The following RIMS2 variants were observed in gnomAD, a reference collection of about 807,000 sequenced individuals.
RIMS2 encodes the protein regulating synaptic membrane exocytosis 2.
A neutral mutation model predicts 174.4 loss-of-function variants in RIMS2; 59 were observed. The ratio of observed to expected loss-of-function variants is 0.34; its 90% CI spans 0.27 to 0.42. The LOEUF is 0.42. RIMS2 is among the 10% of genes least tolerant of loss of function. The pLI, the probability that RIMS2 is intolerant of heterozygous loss-of-function variation, is 1.00. For missense variants in RIMS2, 1,620 were observed against 1,666.3 expected, an observed-to-expected ratio of 0.97 and a Z score of 0.48; for synonymous variants, 606 against 572.5, an observed-to-expected ratio of 1.06 and a Z score of -0.84.
chr8:103,995,167 T>C (rs1446852631), intron 17 of RIMS2, among the ~76,000 whole-genome samples: 1 of 152,122 alleles, frequency 6.6e-6, no homozygotes, highest in African/African-American at 2.4e-5. Flanking sequence ...ACTGCTCTTT[T>C]TTGAGAGAAG....
At chr8:103,556,683 A>G (rs1484528159) in intron 1 of RIMS2, among the ~76,000 whole-genome samples, 1 of 152,130 alleles carries the variant, frequency 6.6e-6, no homozygotes, top group Non-Finnish European at 1.5e-5. Context: ...TTTGTAAGCT[A>G]TTATATTTTC....
intron 17 of RIMS2, among the ~76,000 whole-genome samples, chr8:104,012,278 A>T (rs915609350): frequency 1.3e-5 from 2 of 151,922 alleles, no homozygotes; most frequent in East Asian, 3.8e-4. Context: ...TTCTAAAGTC[A>T]CCTAATCTAA....
At chr8:103,756,151 T>C (rs2097999545) in intron 2 of RIMS2, among the ~76,000 whole-genome samples, 1 of 152,168 alleles carries the variant, frequency 6.6e-6, no homozygotes, top group South Asian at 2.1e-4. Context: ...GGTACTCCTT[T>C]CTGTTTGTTA....
At chr8:103,578,101 T>G (rs1333502630) in intron 1 of RIMS2, among the ~76,000 whole-genome samples, 2 of 152,056 alleles carry the variant, frequency 1.3e-5, no homozygotes, top group Non-Finnish European at 2.9e-5. Context: ...GGAAAAGAAA[T>G]AAATATCCAG....
chr8:103,933,121 T>C (rs1423711222), intron 12 of RIMS2, among the ~76,000 whole-genome samples: 4 of 151,932 alleles, frequency 2.6e-5, no homozygotes, highest in Admixed American at 2.6e-4. Context: ...TGAAACCCCG[T>C]CTCTACTAAA....
At position 103,519,840 on chromosome 8, in the gene RIMS2, A is replaced by T. The variant is rs1187644393; in HGVS notation, c.176+18778A>T. ...TAACAATATAATATTTTCAGGAAAA[A>T]TTTTCCTCTTAGAAACCCTGTATTC... On this transcript the variant is annotated intron_variant, in intron 1 of 23. Coordinates refer to ENST00000504942, the Ensembl canonical transcript of RIMS2. Among the ~76,000 whole-genome samples the T allele has an allele frequency of 6.0e-5, 9 of 151,008 alleles. No homozygotes were observed. The East Asian group carries it at 1.7e-3, about 29-fold the overall frequency.
In RIMS2 at chr8:103,757,594, T is replaced by C. The variant is rs148804737; in HGVS notation, c.388-8633T>C. ...GGCAGAAAAATGGCCCCTCTAAAGATAACCATGTCTTAATTCCTGAAACCT... is the reference window on the plus strand; with the variant it reads ...GGCAGAAAAATGGCCCCTCTAAAGACAACCATGTCTTAATTCCTGAAACCT... On this transcript the variant is annotated intron_variant, in intron 2 of 23. Transcript: ENST00000504942. Among the ~76,000 whole-genome samples, 463 of 152,324 alleles carry C rather than the reference T, an allele frequency of 3.0e-3. 2 individuals carry two copies. The highest frequency in any genetic ancestry group is 4.4e-3 in the Non-Finnish European group (300 of 68,020).
At chr8:103,563,235 G>A (rs1270470503) in intron 1 of RIMS2, among the ~76,000 whole-genome samples, 1 of 152,132 alleles carries the variant, frequency 6.6e-6, no homozygotes, top group African/African-American at 2.4e-5. Flanking sequence ...CACATTATCA[G>A]GCTGCAAATT....
chr8:104,223,735 C>A (rs1404472228), intron 19 of RIMS2: 2 of 1,594,092 alleles, frequency 1.3e-6, no homozygotes, highest in African/African-American at 2.7e-5. Flanking sequence ...TGTCTGCCTC[C>A]TTCGAGGCAC....
chr8:103,579,920 G>A (rs974608532), intron 1 of RIMS2, among the ~76,000 whole-genome samples: 14 of 152,094 alleles, frequency 9.2e-5, no homozygotes, highest in Admixed American at 5.2e-4. Context: ...GAGTGAAGAC[G>A]GAGATGCTGC....
At chr8:104,195,580 T>C (rs990790508) in intron 19 of RIMS2, among the ~76,000 whole-genome samples, 1 of 150,290 alleles carries the variant, frequency 6.7e-6, no homozygotes, top group Admixed American at 6.7e-5. Context: ...AATGGCACGA[T>C]CTCGACTCAC....
At chr8:103,834,689 T>C (rs1304466561) in intron 3 of RIMS2, among the ~76,000 whole-genome samples, 5 of 56,132 alleles carry the variant, frequency 8.9e-5, no homozygotes, top group African/African-American at 4.2e-4. Flanking sequence ...TCTTTCTTTC[T>C]TTCTTTCTTT....
intron 19 of RIMS2, among the ~76,000 whole-genome samples, chr8:104,061,700 A>G (rs533031913): frequency 2.0e-5 from 3 of 151,120 alleles, no homozygotes; most frequent in Admixed American, 1.3e-4. Context: ...CTGTTTTATA[A>G]TTACTAATTG....
At chr8:103,727,435 T>C (rs2097539248) in intron 2 of RIMS2, among the ~76,000 whole-genome samples, 2 of 152,218 alleles carry the variant, frequency 1.3e-5, no homozygotes, top group Admixed American at 1.3e-4. Flanking sequence ...ACTTTGTTTA[T>C]TCTTTCCTTT....
At chr8:103,737,781 C>A (rs2097706184) in intron 2 of RIMS2, among the ~76,000 whole-genome samples, 4 of 152,140 alleles carry the variant, frequency 2.6e-5, no homozygotes, top group Admixed American at 2.6e-4. Flanking sequence ...ATGCACTTCA[C>A]CAGATTTTTA....
chr8:103,591,911 G>T (rs10086977), intron 1 of RIMS2, among the ~76,000 whole-genome samples: 1,769 of 151,210 alleles, frequency 0.012, 33 homozygotes, highest in African/African-American at 0.039. Context: ...AGTTAAGAAA[G>T]AATCAGCTAG....
chr8:103,863,904 T>TTTTG (rs1168686408), intron 3 of RIMS2, among the ~76,000 whole-genome samples: 49 of 121,008 alleles, frequency 4.0e-4, no homozygotes, highest in African/African-American at 1.7e-3. Context: ...TTTTTGTTTT[T>TTTTG]TTTGTTTGTT....
intron 11 of RIMS2, chr8:103,927,982 T>G (rs17817023): frequency 0.16 from 151,137 of 947,464 alleles, 14,287 homozygotes; most frequent in Non-Finnish European, 0.19. Flanking sequence ...ACTTTTTTTG[T>G]TATGTTGCTC....
chr8:103,624,120 TCAACTTGA>T (rs1291008839), intron 1 of RIMS2, among the ~76,000 whole-genome samples: 5 of 152,154 alleles, frequency 3.3e-5, no homozygotes, highest in African/African-American at 1.2e-4. Flanking sequence ...ATTTGATGTG[TCAACTTGA>T]CTGGCCAAGG....
Sources: gnomAD v4.1 joint callset for allele counts (sites outside exome capture counted in the v4.1 genomes callset) on GRCh38, gnomAD v4.1.1 for gene constraint, MANE v1.5 for transcripts, NCBI Gene and HGNC (gene_info 2026-07-23, HGNC 2026-07-21) for gene names.